The following TGFB2 variants were observed in gnomAD, a reference collection of about 807,000 sequenced individuals.
The protein encoded by TGFB2 is transforming growth factor beta 2, also known as transforming growth factor beta-2 proprotein.
A neutral mutation model predicts 42.7 loss-of-function variants in TGFB2; 13 were observed. The ratio of observed to expected loss-of-function variants is 0.30; its 90% CI spans 0.20 to 0.48. The LOEUF is 0.48. Among genes scored for constraint, TGFB2 ranks in the 20% least tolerant of loss-of-function variants. The pLI, the probability that TGFB2 is intolerant of heterozygous loss-of-function variation, is 0.99. For missense variants in TGFB2, 390 were observed against 517.5 expected (o/e 0.75, Z 2.39); for synonymous variants, 193 against 193.6 (o/e 1.00, Z 0.03).
At chr1:218,394,524 G>A (rs780452129) in intron 1 of TGFB2, among the ~76,000 whole-genome samples, 8 of 151,980 alleles carry the variant, frequency 5.3e-5, no homozygotes, top group Non-Finnish European at 8.8e-5. Context: ...CTGACAGTAC[G>A]CACAGTCTCA....
rs185185467 is a variant in TGFB2 at position 218,440,175 on chromosome 1, C to T, written c.1087-1029C>T. 4.5e-3 allele frequency among the ~76,000 whole-genome samples: 680 copies of T among 152,258 alleles called. 12 individuals carry two copies. Among genetic ancestry groups the T allele is most frequent in the African/African-American group, 0.016 (652 of 41,542 alleles). The stretch of plus-strand genomic sequence containing the variant: ...TTAACTCCTCCAACTCAGCAACTAC[C>T]ATTTACCGCATAGGTTAGTGGAGGG... On this transcript the variant is annotated intron_variant, in intron 6 of 6. Coordinates refer to ENST00000366930, the MANE Select transcript of TGFB2 (RefSeq NM_003238.6).
intron 1 of TGFB2, among the ~76,000 whole-genome samples, chr1:218,356,892 A>C (rs1003770242): frequency 6.6e-6 from 1 of 152,236 alleles, no homozygotes; most frequent in Non-Finnish European, 1.5e-5. Context: ...CGGCTTTAGC[A>C]ATAGTATGAC....
chr1:218,435,684 A>G (rs942701049), intron 4 of TGFB2, among the ~76,000 whole-genome samples: 1 of 152,216 alleles, frequency 6.6e-6, no homozygotes, highest in East Asian at 1.9e-4. Context: ...CCCTTGGACT[A>G]TAGGTCAAAG....
chr1:218,358,136 A>G (rs1207580744), intron 1 of TGFB2, among the ~76,000 whole-genome samples: 2 of 152,174 alleles, frequency 1.3e-5, no homozygotes, highest in African/African-American at 2.4e-5. Context: ...AGAATGCAAA[A>G]TTTGGTTTTG....
intron 1 of TGFB2, among the ~76,000 whole-genome samples, chr1:218,379,487 C>CTTTCTTTT (rs375611057): frequency 6.4e-4 from 86 of 133,402 alleles, no homozygotes; most frequent in African/African-American, 1.8e-3. Flanking sequence ...TTCTTTCTTT[C>CTTTCTTTT]TTTTTTTTTT....
In TGFB2 at chr1:218,443,700, C is replaced by T. The variant is rs1377416111; in HGVS notation, c.*2338C>T. On this transcript the variant is annotated 3_prime_UTR_variant, in exon 7 of 7. Coordinates refer to ENST00000366930, the MANE Select transcript of TGFB2 (RefSeq NM_003238.6). ...TTTTAAATGCTCTATTTTAAGATCT[C>T]TTGAATCTGTTTTTTTTTTTTTTAA... is the stretch of plus-strand genomic sequence containing the variant. 1 of 132,128 alleles carries T rather than the reference C, an allele frequency of 7.6e-6. No homozygotes were observed. The highest frequency in any genetic ancestry group is 1.6e-5 in the Non-Finnish European group (1 of 63,772). 8.2% of individuals were successfully genotyped at this position (132,128 alleles called of 1,614,324 possible). A position where few individuals can be genotyped will look rare whatever the true frequency, so the allele number is the denominator to read the frequency against.
At chr1:218,389,078 T>C (rs1289838235) in intron 1 of TGFB2, among the ~76,000 whole-genome samples, 2 of 152,148 alleles carry the variant, frequency 1.3e-5, no homozygotes, top group African/African-American at 2.4e-5. Context: ...TCGAATCATT[T>C]GGCCTCTGAA....
intron 2 of TGFB2, among the ~76,000 whole-genome samples, chr1:218,418,041 C>T (rs1033498838): frequency 2.0e-5 from 3 of 152,234 alleles, no homozygotes; most frequent in Non-Finnish European, 2.9e-5. Flanking sequence ...AGCCCCCACA[C>T]AGAGTTTCTA....
At chr1:218,365,135 A>G (rs1027063723) in intron 1 of TGFB2, among the ~76,000 whole-genome samples, 1 of 152,026 alleles carries the variant, frequency 6.6e-6, no homozygotes, top group Non-Finnish European at 1.5e-5. Context: ...TGGAGAGGTA[A>G]ACACCTTGTC....
At chr1:218,358,601 T>G (rs1571832671) in intron 1 of TGFB2, among the ~76,000 whole-genome samples, 2 of 147,418 alleles carry the variant, frequency 1.4e-5, no homozygotes, top group South Asian at 2.1e-4. Context: ...TAGGCTGGAG[T>G]GCAGTGGTGC....
chr1:218,422,220 T>C (rs975563356), intron 2 of TGFB2, among the ~76,000 whole-genome samples: 3 of 151,638 alleles, frequency 2.0e-5, no homozygotes, highest in Admixed American at 6.6e-5. Flanking sequence ...TTTTTTTGTT[T>C]TCTTTTTTTT....
intron 1 of TGFB2, among the ~76,000 whole-genome samples, chr1:218,381,051 G>C (rs1012819532): frequency 1.7e-4 from 26 of 152,114 alleles, no homozygotes; most frequent in African/African-American, 6.3e-4. Flanking sequence ...TGTTACTTTA[G>C]TAAAACTAGT....
intron 1 of TGFB2, among the ~76,000 whole-genome samples, chr1:218,371,995 G>T (rs966608156): frequency 6.6e-6 from 1 of 152,144 alleles, no homozygotes; most frequent in Non-Finnish European, 1.5e-5. Context: ...GGTGTCTGCT[G>T]TGTAACCCTC....
Position 218,415,568 on chromosome 1 carries a change from G to A in TGFB2, c.510+10236G>A, listed in dbSNP as rs948991117. Among the ~76,000 whole-genome samples, 5 of 151,704 alleles carry A rather than the reference G, an allele frequency of 3.3e-5. No homozygotes were observed. The South Asian group carries it at 6.3e-4, about 19-fold the overall frequency. On this transcript the variant is annotated intron_variant, in intron 2 of 6. Coordinates refer to ENST00000366930, the MANE Select transcript of TGFB2 (RefSeq NM_003238.6). ...AAATTAGCCAGGCGTGGTGGCGGGC[G>A]CCTGTAATCCCAGCTACTCAGGAGG... is the stretch of plus-strand genomic sequence containing the variant.
intron 2 of TGFB2, among the ~76,000 whole-genome samples, chr1:218,427,786 A>G (rs1427708162): frequency 2.6e-5 from 4 of 152,210 alleles, no homozygotes; most frequent in Non-Finnish European, 2.9e-5. Flanking sequence ...TAGTGCCGCA[A>G]TAAACATTCG....
chr1:218,386,036 C>A (rs1468107027), intron 1 of TGFB2, among the ~76,000 whole-genome samples: 1 of 152,040 alleles, frequency 6.6e-6, no homozygotes, highest in African/African-American at 2.4e-5. Flanking sequence ...TTGCTTGAAC[C>A]TTTTGTAGGT....
At chr1:218,378,190 A>T (rs999127950) in intron 1 of TGFB2, among the ~76,000 whole-genome samples, 6 of 143,388 alleles carry the variant, frequency 4.2e-5, no homozygotes, top group Non-Finnish European at 6.1e-5. Flanking sequence ...TATTTATTTA[A>T]GATGGAGTCT....
intron 2 of TGFB2, among the ~76,000 whole-genome samples, chr1:218,424,199 G>A (rs946166262): frequency 6.6e-6 from 1 of 152,144 alleles, no homozygotes; most frequent in Non-Finnish European, 1.5e-5. Flanking sequence ...AACAGGTTCT[G>A]GTTTTGGCCT....
At chr1:218,415,699 GAAAA>G (rs1174137652) in intron 2 of TGFB2, among the ~76,000 whole-genome samples, 2 of 61,678 alleles carry the variant, frequency 3.2e-5, no homozygotes, top group Non-Finnish European at 7.3e-5. Context: ...TGTCTCAAAA[GAAAA>G]AAAAAAAAAA....
Sources: gnomAD v4.1 joint callset for allele counts (sites outside exome capture counted in the v4.1 genomes callset) on GRCh38, gnomAD v4.1.1 for gene constraint, MANE v1.5 for transcripts, NCBI Gene and HGNC (gene_info 2026-07-23, HGNC 2026-07-21) for gene names.